HRH1: variants seen among roughly 807,000 people sequenced by gnomAD.
HRH1 encodes the protein histamine receptor H1.
Under a neutral mutation model 10.3 loss-of-function variants are expected in HRH1, and 6 were observed. The ratio of observed to expected loss-of-function variants is 0.58; its 90% CI spans 0.32 to 1.15. The LOEUF (loss-of-function observed/expected upper bound fraction) is 1.15, where lower values mean the gene tolerates loss of function less well. HRH1 is among the 50% of genes most tolerant of loss of function. HRH1 has a pLI of 0.05. For missense variants in HRH1, 514 were observed against 615.3 expected (o/e 0.84, Z 1.74); for synonymous variants, 242 against 236.7 (o/e 1.02, Z -0.21).
intron 1 of HRH1, among the ~76,000 whole-genome samples, chr3:11,238,168 A>T (rs1939238555): frequency 2.6e-5 from 4 of 152,146 alleles, no homozygotes; most frequent in African/African-American, 7.2e-5. Context: ...GAGCAGACAA[A>T]CAATCAAACA....
intron 1 of HRH1, among the ~76,000 whole-genome samples, chr3:11,205,265 T>C (rs1938074740): frequency 6.6e-6 from 1 of 152,104 alleles, no homozygotes; most frequent in Non-Finnish European, 1.5e-5. Flanking sequence ...CGGAAACTGC[T>C]TGCATCATGT....
chr3:11,139,162 T>C (rs1242721391), intron 1 of HRH1, among the ~76,000 whole-genome samples: 1 of 149,534 alleles, frequency 6.7e-6, no homozygotes, highest in African/African-American at 2.5e-5. Flanking sequence ...TAATTTTGTA[T>C]TTTTAGTAGA....
intron 1 of HRH1, among the ~76,000 whole-genome samples, chr3:11,248,992 T>C (rs1249474954): frequency 1.3e-5 from 2 of 152,254 alleles, no homozygotes; most frequent in African/African-American, 4.8e-5. Flanking sequence ...AACCAGGCAT[T>C]TGGATCTTGA....
intron 1 of HRH1, among the ~76,000 whole-genome samples, chr3:11,220,123 A>ATTGTAATT (rs1938657008): frequency 1.3e-5 from 2 of 152,172 alleles, no homozygotes; most frequent in African/African-American, 4.8e-5. Flanking sequence ...AATCTGGAAA[A>ATTGTAATT]GTAATTGTAA....
chr3:11,234,464 G>T, intron 1 of HRH1: 9 of 1,576,188 alleles, frequency 5.7e-6, no homozygotes, highest in Non-Finnish European at 7.9e-6. Context: ...GTGGAAGCAG[G>T]AAAAGGCTGA....
chr3:11,226,567 G>C (rs1938888219), intron 1 of HRH1: 1 of 152,146 alleles, frequency 6.6e-6, no homozygotes, highest in Non-Finnish European at 1.5e-5. Flanking sequence ...TTATTTTCTG[G>C]ATGTTGGACT....
intron 1 of HRH1, among the ~76,000 whole-genome samples, chr3:11,232,959 G>C (rs1278403322): frequency 6.6e-6 from 1 of 152,006 alleles, no homozygotes; most frequent in Non-Finnish European, 1.5e-5. Flanking sequence ...TTTTCTTCTT[G>C]TCTCTATGTT....
At chr3:11,257,958 T>C (rs919894561) in intron 1 of HRH1, among the ~76,000 whole-genome samples, 2 of 152,284 alleles carry the variant, frequency 1.3e-5, no homozygotes, top group Middle Eastern at 3.4e-3. Flanking sequence ...ATTATGGGTG[T>C]GAGCCACCAT....
upstream of HRH1, among the ~76,000 whole-genome samples, chr3:11,150,136 T>C (rs930916614): frequency 1.3e-5 from 2 of 152,256 alleles, no homozygotes; most frequent in African/African-American, 2.4e-5. Context: ...AAATTACTGG[T>C]CATTTTTTCT....
rs1340288225 is a variant in HRH1, at chr3:11,260,203, T to G, written c.1166T>G (p.Phe389Cys). Residue 389 changes from phenylalanine (F) to cysteine (C), a missense_variant, in exon 2 of 2, where the codon TTT (phenylalanine) becomes TGT (cysteine). Coordinates refer to ENST00000431010, the MANE Select transcript of HRH1 (RefSeq NM_001098212.2). ...AACACAGGCCTGGATTACATCAAGTTTACTTGGAAGAGGCTCCGCTCGCAT... is the reference window on the plus strand; with the variant it reads ...AACACAGGCCTGGATTACATCAAGTGTACTTGGAAGAGGCTCCGCTCGCAT... ...GSNTGLDYIK[F>C]TWKRLRSHSR... 1.2e-6 allele frequency: 2 copies of G among 1,613,716 alleles called. No homozygotes were observed. The highest frequency in any genetic ancestry group is 1.7e-6 in the Non-Finnish European group (2 of 1,180,002).
chr3:11,198,736 G>GA (rs59389294), intron 1 of HRH1, among the ~76,000 whole-genome samples: 36,595 of 124,438 alleles, frequency 0.29, 5,426 homozygotes, highest in African/African-American at 0.41. Context: ...GACCCTATCT[G>GA]AAAAAAAAAA....
chr3:11,248,145 C>T (rs1045068339), intron 1 of HRH1, among the ~76,000 whole-genome samples: 3 of 152,188 alleles, frequency 2.0e-5, no homozygotes, highest in Admixed American at 6.5e-5. Flanking sequence ...ACACAAACTC[C>T]GCCTTTTTCA....
Position 11,235,043 on chromosome 3 carries a change from A to G in HRH1, c.-35-23960A>G, listed in dbSNP as rs1406944139. Among the ~76,000 whole-genome samples the G allele has an allele frequency of 3.3e-5, 5 of 151,918 alleles. No homozygotes were observed. The East Asian group carries it at 5.8e-4, about 18-fold the overall frequency. On this transcript the variant is annotated intron_variant, in intron 1 of 1. Coordinates refer to ENST00000431010, the MANE Select transcript of HRH1 (RefSeq NM_001098212.2). ...ATCCTGGCTAACACAGTGAAACCCC[A>G]TCTCTACTAAAAATGCAAAAAATTA... is the stretch of plus-strand genomic sequence containing the variant.
intron 1 of HRH1, among the ~76,000 whole-genome samples, chr3:11,157,156 G>T (rs574480746): frequency 6.6e-6 from 1 of 152,160 alleles, no homozygotes; most frequent in African/African-American, 2.4e-5. Context: ...GAAAGCTTAG[G>T]GTTGGAACCC....
chr3:11,192,021 C>A (rs941971596), intron 1 of HRH1, among the ~76,000 whole-genome samples: 1 of 152,184 alleles, frequency 6.6e-6, no homozygotes. Flanking sequence ...ATGGTTTGAG[C>A]CCCCTGTCCC....
chr3:11,243,105 G>C (rs1446564165), intron 1 of HRH1, among the ~76,000 whole-genome samples: 1 of 152,160 alleles, frequency 6.6e-6, no homozygotes. Flanking sequence ...GTGGAGACGG[G>C]GTTTCGCAAT....
chr3:11,204,674 C>T (rs944824371), intron 1 of HRH1, among the ~76,000 whole-genome samples: 5 of 152,192 alleles, frequency 3.3e-5, no homozygotes, highest in African/African-American at 4.8e-5. Flanking sequence ...CTAACACACA[C>T]GCGATCACCT....
intron 1 of HRH1, among the ~76,000 whole-genome samples, chr3:11,187,586 T>A (rs1479415591): frequency 6.6e-6 from 1 of 152,220 alleles, no homozygotes; most frequent in Non-Finnish European, 1.5e-5. Flanking sequence ...ACTTAGTTTC[T>A]AAGTCCTGCA....
chr3:11,180,942 C>T (rs1296967612), intron 1 of HRH1, among the ~76,000 whole-genome samples: 1 of 139,328 alleles, frequency 7.2e-6, no homozygotes, highest in South Asian at 2.3e-4. Context: ...ACACTTCTCT[C>T]AGGCATACAC....
Sources: allele counts gnomAD v4.1 joint callset (sites outside exome capture counted in the v4.1 genomes callset), GRCh38; gene constraint gnomAD v4.1.1; transcripts MANE v1.5; gene names NCBI Gene and HGNC (gene_info 2026-07-23, HGNC 2026-07-21).